The following C1QTNF5 variants were observed in gnomAD, a reference collection of about 807,000 sequenced individuals.
C1QTNF5 encodes C1q and TNF related 5.
C1QTNF5 carries 5 observed loss-of-function variants against 10.9 expected under a neutral mutation model. The observed-to-expected ratio is 0.46, with a 90% CI of 0.24 to 0.97. The LOEUF is 0.97. Among genes scored for constraint, C1QTNF5 ranks in the 50% least tolerant of loss-of-function variants. The pLI is 0.19. For synonymous variants in C1QTNF5, 161 were observed against 156.5 expected (o/e 1.03, Z -0.22); for missense variants, 281 against 339.4 (o/e 0.83, Z 1.35).
chr11:119,343,831 A>G (rs1950528411), upstream of C1QTNF5: 1 of 1,613,722 alleles, frequency 6.2e-7, no homozygotes, highest in Admixed American at 1.7e-5. Context: ...CAGGAGGCTG[A>G]AGGCCCCTGA....
upstream of C1QTNF5, among the ~76,000 whole-genome samples, chr11:119,343,279 G>A (rs1218778505): frequency 6.6e-6 from 1 of 152,266 alleles, no homozygotes; most frequent in Non-Finnish European, 1.5e-5. Context: ...GGGAGGCTGA[G>A]TAGGGAGGAT....
upstream of C1QTNF5, chr11:119,345,094 C>G: frequency 6.6e-7 from 1 of 1,512,722 alleles, no homozygotes; most frequent in Non-Finnish European, 9.0e-7. Flanking sequence ...CCTATTTTCT[C>G]AACCCCCAAA....
rs1276172416 is a variant in C1QTNF5, at chr11:119,339,894, C to A, written c.215-46G>T. On this transcript the variant is annotated intron_variant, in intron 2 of 2. Coordinates refer to ENST00000528368, the MANE Select transcript of C1QTNF5 (RefSeq NM_001278431.2). This position sits in a 1 kb window ranked among gnomAD's most constrained non-coding sequence, Gnocchi z 5.4. ...CAGGGTGAGAGTAGCGGCGGCTCAG[C>A]CCGCAGCGGGGCGGCGACTCTAAGG... The A allele has an allele frequency of 7.0e-7, 1 of 1,433,274 alleles. No individual in the cohort carries two copies. The highest frequency in any genetic ancestry group is 9.1e-7 in the Non-Finnish European group (1 of 1,101,282). 88.8% of individuals were successfully genotyped at this position (1,433,274 alleles called of 1,614,324 possible). A position where few individuals can be genotyped will look rare whatever the true frequency, so the allele number is the denominator to read the frequency against.
upstream of C1QTNF5, chr11:119,341,532 G>C (rs1435769777): frequency 6.2e-7 from 1 of 1,606,680 alleles, no homozygotes; most frequent in African/African-American, 1.3e-5. Flanking sequence ...GAAGAGGGCA[G>C]GGGCCGGCTT....
upstream of C1QTNF5, chr11:119,342,619 C>T (rs556189272): frequency 3.1e-6 from 5 of 1,613,514 alleles, no homozygotes; most frequent in South Asian, 4.4e-5. Flanking sequence ...CAAGGGGCCG[C>T]TGCAGTTGTC....
the C1QTNF5 span, chr11:119,346,094 TG>T: frequency 1.9e-6 from 3 of 1,609,168 alleles, no homozygotes; most frequent in Non-Finnish European, 2.5e-6. Context: ...AGGAGCAGGC[TG>T]GAGAGCAGGA....
chr11:119,344,725 G>A (rs746666402), upstream of C1QTNF5: 8 of 1,613,888 alleles, frequency 5.0e-6, no homozygotes, highest in South Asian at 7.7e-5. Flanking sequence ...CAGATGAGCT[G>A]GTCACAGCGG....
upstream of C1QTNF5, chr11:119,343,134 G>A: frequency 8.6e-7 from 1 of 1,165,248 alleles, no homozygotes. Flanking sequence ...ACAGGGTTAG[G>A]GTCTGGCGAG....
At chr11:119,344,412 T>C (rs774013204), upstream of C1QTNF5, 2 of 1,610,080 alleles carry the variant, frequency 1.2e-6, no homozygotes, top group Admixed American at 1.7e-5. Flanking sequence ...GTGGAAGGGC[T>C]CATGAGTTTG....
upstream of C1QTNF5, chr11:119,344,557 T>C (rs1950538939): frequency 4.3e-6 from 7 of 1,611,442 alleles, no homozygotes; most frequent in East Asian, 1.6e-4. Context: ...GGTTTGAGGC[T>C]GGACCAGAGC....
chr11:119,346,454 C>T, the C1QTNF5 span: 1 of 1,614,088 alleles, frequency 6.2e-7, no homozygotes, highest in Non-Finnish European at 8.5e-7. Flanking sequence ...TCTATGTGGT[C>T]CTTACCTTGC....
chr11:119,344,228 T>TCTACCATG (rs1381817063), upstream of C1QTNF5: 1 of 1,284,650 alleles, frequency 7.8e-7, no homozygotes, highest in Non-Finnish European at 1.1e-6. Flanking sequence ...GAAGGTAGTG[T>TCTACCATG]CTACCATGCC....
chr11:119,342,741 G>A (rs2135369196), upstream of C1QTNF5: 1 of 1,613,510 alleles, frequency 6.2e-7, no homozygotes, highest in Non-Finnish European at 8.5e-7. Flanking sequence ...CAGGCACAAG[G>A]GGCATGGCAG....
chr11:119,346,605 G>A, the C1QTNF5 span: 3 of 1,300,352 alleles, frequency 2.3e-6, no homozygotes, highest in South Asian at 2.4e-5. Context: ...CTGTCAGAGG[G>A]GCAGCCTCTA....
upstream of C1QTNF5, chr11:119,344,054 T>TG (rs532180155): frequency 5.9e-4 from 887 of 1,506,572 alleles, 2 homozygotes; most frequent in South Asian, 2.2e-3. Flanking sequence ...CACTGCTGGC[T>TG]GGGGGGATGG....
chr11:119,342,299 C>A (rs187248253), upstream of C1QTNF5, among the ~76,000 whole-genome samples: 168 of 152,294 alleles, frequency 1.1e-3, no homozygotes, highest in African/African-American at 3.8e-3. Context: ...TAAGAGGATG[C>A]CTTCATCTTT....
chr11:119,344,240 T>C, upstream of C1QTNF5: 2 of 1,368,768 alleles, frequency 1.5e-6, no homozygotes, highest in Non-Finnish European at 2.1e-6. Context: ...TACCATGCCA[T>C]TCCCATTACA....
upstream of C1QTNF5, chr11:119,342,574 TC>T: frequency 2.5e-6 from 4 of 1,612,258 alleles, no homozygotes; most frequent in Non-Finnish European, 3.4e-6. Context: ...CTGCTCAGGG[TC>T]CCCAGGGGCA....
upstream of C1QTNF5, chr11:119,344,859 T>C (rs780639268): frequency 5.6e-6 from 9 of 1,613,000 alleles, no homozygotes; most frequent in Admixed American, 1.5e-4. Context: ...AACAGGCAGG[T>C]GGGAACACAC....
Sources: allele counts gnomAD v4.1 joint callset (sites outside exome capture counted in the v4.1 genomes callset), GRCh38; gene constraint gnomAD v4.1.1; non-coding constraint Gnocchi (gnomAD v3.1); transcripts MANE v1.5; gene names NCBI Gene and HGNC (gene_info 2026-07-23, HGNC 2026-07-21).